PTPRD: variants seen among roughly 807,000 people sequenced by gnomAD.
PTPRD encodes the protein receptor-type tyrosine-protein phosphatase delta.
In PTPRD, 34 loss-of-function variants were observed where a neutral mutation model predicts 214.5. That is an observed-to-expected ratio of 0.16 (90% confidence interval 0.12 to 0.21). The LOEUF (loss-of-function observed/expected upper bound fraction) is 0.21, where lower values mean the gene tolerates loss of function less well. Ranked by LOEUF, PTPRD falls within the 10% of genes least tolerant of loss-of-function variation. The pLI is 1.00. For synonymous variants in PTPRD, 1,128 were observed against 845.7 expected, an observed-to-expected ratio of 1.33 and a Z score of -5.79; for missense variants, 2,545 against 2,398.7, an observed-to-expected ratio of 1.06 and a Z score of -1.27.
At chr9:10,451,933 C>A (rs2098844373) in intron 2 of PTPRD, among the ~76,000 whole-genome samples, 1 of 151,932 alleles carries the variant, frequency 6.6e-6, no homozygotes, top group Non-Finnish European at 1.5e-5. Flanking sequence ...TTAATTATTT[C>A]TTCTGTGGGA....
chr9:9,625,258 G>A (rs928200555), intron 7 of PTPRD, among the ~76,000 whole-genome samples: 4 of 152,144 alleles, frequency 2.6e-5, no homozygotes, highest in African/African-American at 7.2e-5. Context: ...GTGGACATGG[G>A]CAAGGGAGCA....
At chr9:9,553,222 C>G (rs540612299) in intron 8 of PTPRD, among the ~76,000 whole-genome samples, 1 of 151,920 alleles carries the variant, frequency 6.6e-6, no homozygotes, top group South Asian at 2.1e-4. Flanking sequence ...AATTTCATCC[C>G]TATAAATATG....
At chr9:8,665,555 T>C (rs2097153795) in intron 12 of PTPRD, among the ~76,000 whole-genome samples, 1 of 152,232 alleles carries the variant, frequency 6.6e-6, no homozygotes. Flanking sequence ...TAAAGATCAA[T>C]ACAGATATTA....
intron 2 of PTPRD, among the ~76,000 whole-genome samples, chr9:10,500,321 C>A (rs965289456): frequency 1.3e-5 from 2 of 151,860 alleles, no homozygotes; most frequent in Admixed American, 6.6e-5. Flanking sequence ...AATGCATACT[C>A]TTTTTCCAAG....
At chr9:9,508,138 T>G (rs2096613339) in intron 8 of PTPRD, among the ~76,000 whole-genome samples, 1 of 151,594 alleles carries the variant, frequency 6.6e-6, no homozygotes, top group Non-Finnish European at 1.5e-5. Flanking sequence ...CTTGCTCTTC[T>G]TCAGACACAC....
chr9:8,614,745 A>C (rs902853217), intron 14 of PTPRD, among the ~76,000 whole-genome samples: 1 of 152,200 alleles, frequency 6.6e-6, no homozygotes, highest in African/African-American at 2.4e-5. Context: ...ATGAGACACA[A>C]GACAAAATGA....
intron 2 of PTPRD, among the ~76,000 whole-genome samples, chr9:10,555,179 T>A (rs2062246015): frequency 6.6e-6 from 1 of 152,134 alleles, no homozygotes; most frequent in Non-Finnish European, 1.5e-5. Context: ...CTAAAATATC[T>A]AAAAATGACC....
At chr9:10,099,643 A>G (rs1439814741) in intron 3 of PTPRD, among the ~76,000 whole-genome samples, 1 of 151,800 alleles carries the variant, frequency 6.6e-6, no homozygotes, top group African/African-American at 2.4e-5. Context: ...ATCCTAAGCA[A>G]TGAGGTAGCA....
chr9:9,947,627 A>G (rs1263261755), intron 4 of PTPRD, among the ~76,000 whole-genome samples: 1 of 73,134 alleles, frequency 1.4e-5, no homozygotes, highest in African/African-American at 5.4e-5. Context: ...TATATTTTAA[A>G]TATATATTTT....
At chr9:9,245,757 C>T (rs1001884373) in intron 9 of PTPRD, among the ~76,000 whole-genome samples, 5 of 152,116 alleles carry the variant, frequency 3.3e-5, no homozygotes, top group Admixed American at 3.3e-4. Flanking sequence ...TACCCTAAAA[C>T]TAAATATATA....
chr9:8,588,929 A>C (rs1408057975), intron 14 of PTPRD, among the ~76,000 whole-genome samples: 3 of 152,158 alleles, frequency 2.0e-5, no homozygotes, highest in African/African-American at 7.2e-5. Flanking sequence ...CAGGCTTTCC[A>C]CCGAAGAGCC....
rs183055086 is a variant in PTPRD, at chr9:10,093,491, T to G, written c.-544-59701A>C. 1.5e-3 allele frequency among the ~76,000 whole-genome samples: 231 copies of G among 151,694 alleles called. 1 individual carries two copies. The highest frequency in any genetic ancestry group is 5.3e-3 in the African/African-American group (219 of 41,508). ...CAGAAAAACGGGAATGCTTATACTC[T>G]GTTGGTGGGAATCCAAATTAGTTCA... is the stretch of plus-strand genomic sequence containing the variant. On this transcript the variant is annotated intron_variant, in intron 3 of 45. Coordinates refer to ENST00000381196, the MANE Select transcript of PTPRD (RefSeq NM_002839.4).
At chr9:10,387,110 C>T (rs1171584597) in intron 2 of PTPRD, among the ~76,000 whole-genome samples, 1 of 151,810 alleles carries the variant, frequency 6.6e-6, no homozygotes, top group Non-Finnish European at 1.5e-5. Context: ...GAAAGGATCA[C>T]AGCCCTACCT....
At chr9:9,242,424 A>C (rs563877556) in intron 9 of PTPRD, among the ~76,000 whole-genome samples, 406 of 152,250 alleles carry the variant, frequency 2.7e-3, no homozygotes, top group African/African-American at 9.4e-3. Flanking sequence ...CTCCTGGATA[A>C]TATCCTGCAG....
intron 9 of PTPRD, among the ~76,000 whole-genome samples, chr9:9,291,646 AT>A (rs1951181323): frequency 6.6e-6 from 1 of 151,280 alleles, no homozygotes; most frequent in Non-Finnish European, 1.5e-5. Flanking sequence ...TATGGTTTTC[AT>A]CTGAACTATT....
At chr9:9,435,451 C>T (rs2084865778) in intron 8 of PTPRD, among the ~76,000 whole-genome samples, 1 of 151,238 alleles carries the variant, frequency 6.6e-6, no homozygotes, top group Non-Finnish European at 1.5e-5. Flanking sequence ...TTGGAAGCTG[C>T]AGTAAGCTGA....
At chr9:10,564,385 T>C (rs555301259) in intron 2 of PTPRD, among the ~76,000 whole-genome samples, 4 of 151,146 alleles carry the variant, frequency 2.6e-5, no homozygotes, top group African/African-American at 9.7e-5. Flanking sequence ...TCTTCGTAAC[T>C]GACTTCTTTT....
At chr9:9,835,771 T>C (rs1050215648) in intron 5 of PTPRD, among the ~76,000 whole-genome samples, 1 of 152,050 alleles carries the variant, frequency 6.6e-6, no homozygotes, top group African/African-American at 2.4e-5. Context: ...AGGAGTGGAA[T>C]CAACTGAAGG....
intron 11 of PTPRD, among the ~76,000 whole-genome samples, chr9:8,761,404 ATTTC>A (rs1193227131): frequency 6.6e-6 from 1 of 152,208 alleles, no homozygotes; most frequent in African/African-American, 2.4e-5. Context: ...CAATTATAAC[ATTTC>A]TTTGTGTGCT....
Sources: gnomAD v4.1 joint callset for allele counts (sites outside exome capture counted in the v4.1 genomes callset) on GRCh38, gnomAD v4.1.1 for gene constraint, MANE v1.5 for transcripts, NCBI Gene and HGNC (gene_info 2026-07-23, HGNC 2026-07-21) for gene names.